GABRG3: variants seen among roughly 807,000 people sequenced by gnomAD.
The protein encoded by GABRG3 is gamma-aminobutyric acid receptor subunit gamma-3.
GABRG3 carries 25 observed loss-of-function variants against 48.8 expected under a neutral mutation model. The observed-to-expected ratio is 0.51, with a 90% CI of 0.37 to 0.72. The LOEUF (loss-of-function observed/expected upper bound fraction) is 0.72, where lower values mean the gene tolerates loss of function less well. Ranked by LOEUF, GABRG3 falls within the 30% of genes least tolerant of loss-of-function variation. GABRG3 has a pLI of 0.00. For missense variants in GABRG3, 394 were observed against 577.9 expected, an observed-to-expected ratio of 0.68 and a Z score of 3.26; for synonymous variants, 227 against 217.6, an observed-to-expected ratio of 1.04 and a Z score of -0.38.
chr15:27,008,463 G>A (rs1895626879), intron 2 of GABRG3, among the ~76,000 whole-genome samples: 1 of 152,146 alleles, frequency 6.6e-6, no homozygotes, highest in African/African-American at 2.4e-5. Context: ...ATATAGATGG[G>A]ATAGGAATCT....
chr15:27,041,923 A>C (rs1022807329), intron 3 of GABRG3, among the ~76,000 whole-genome samples: 2 of 152,180 alleles, frequency 1.3e-5, no homozygotes, highest in Admixed American at 6.5e-5. Context: ...GTGGGGGATG[A>C]GACCTCTGAG....
chr15:27,404,934 G>A (rs1046707731), intron 5 of GABRG3, among the ~76,000 whole-genome samples: 1 of 152,162 alleles, frequency 6.6e-6, no homozygotes, highest in Non-Finnish European at 1.5e-5. Context: ...TCTTACACTG[G>A]TATGTCCTCG....
At chr15:27,460,805 C>T (rs1020633284) in intron 5 of GABRG3, among the ~76,000 whole-genome samples, 4 of 152,180 alleles carry the variant, frequency 2.6e-5, no homozygotes, top group African/African-American at 7.2e-5. Context: ...AGTCAGAGTG[C>T]AGCCCTCAGC....
chr15:27,418,276 A>G (rs959141741), intron 5 of GABRG3, among the ~76,000 whole-genome samples: 4 of 152,212 alleles, frequency 2.6e-5, no homozygotes, highest in African/African-American at 9.6e-5. Flanking sequence ...AGTGAGGGGA[A>G]AATGGGAAGG....
intron 9 of GABRG3, chr15:27,530,521 C>A: frequency 2.3e-6 from 1 of 436,684 alleles, no homozygotes; most frequent in Non-Finnish European, 4.7e-6. Flanking sequence ...ACTATGAAGA[C>A]ATAATAAGAG....
chr15:27,370,272 G>C (rs777978610), intron 5 of GABRG3, among the ~76,000 whole-genome samples: 1 of 152,202 alleles, frequency 6.6e-6, no homozygotes, highest in Non-Finnish European at 1.5e-5. Flanking sequence ...GCATTTAGCA[G>C]AGTAGAAAGG....
At chr15:26,971,935 G>A (rs1894853925) in intron 1 of GABRG3, among the ~76,000 whole-genome samples, 1 of 152,066 alleles carries the variant, frequency 6.6e-6, no homozygotes, top group South Asian at 2.1e-4. Context: ...AGCTGTTTCA[G>A]GGGCTCACAC....
intron 5 of GABRG3, among the ~76,000 whole-genome samples, chr15:27,398,665 C>T (rs528216110): frequency 3.9e-4 from 59 of 150,606 alleles, no homozygotes; most frequent in Non-Finnish European, 6.5e-4. Flanking sequence ...GACAAGCGCG[C>T]GCACACACAC....
chr15:27,000,043 A>T (rs1483044454), intron 2 of GABRG3, among the ~76,000 whole-genome samples: 1 of 151,908 alleles, frequency 6.6e-6, no homozygotes, highest in Non-Finnish European at 1.5e-5. Flanking sequence ...ACAGTTAATG[A>T]CTCTAATTAT....
At chr15:27,497,748 C>T (rs1890522017) in intron 6 of GABRG3, among the ~76,000 whole-genome samples, 7 of 151,988 alleles carry the variant, frequency 4.6e-5, no homozygotes, top group Admixed American at 4.6e-4. Flanking sequence ...CTATGAACAC[C>T]AGGTAATTTA....
rs143717369 is a variant in GABRG3, at chr15:27,179,259, C to A, written c.271-147550C>A. On this transcript the variant is annotated intron_variant, in intron 3 of 9. Coordinates refer to ENST00000615808, the MANE Select transcript of GABRG3 (RefSeq NM_033223.5). This position sits in a 1 kb window ranked among gnomAD's most constrained non-coding sequence, Gnocchi z 4.0. Reference sequence around the variant, plus strand: ...GCCGTGATTTGCCATTTCAAACATGCCCCGCGTGGCAATCCACCTTCCCCT... The same window carrying A: ...GCCGTGATTTGCCATTTCAAACATGACCCGCGTGGCAATCCACCTTCCCCT... Among the ~76,000 whole-genome samples the A allele has an allele frequency of 1.3e-3, 203 of 152,314 alleles. 1 individual carries two copies. The highest frequency in any genetic ancestry group is 2.5e-3 in the Non-Finnish European group (167 of 68,026).
At chr15:27,354,725 G>A (rs1354513717) in intron 5 of GABRG3, among the ~76,000 whole-genome samples, 1 of 152,218 alleles carries the variant, frequency 6.6e-6, no homozygotes, top group Non-Finnish European at 1.5e-5. Flanking sequence ...GTTCTGTTAT[G>A]TGAGTGGATA....
chr15:27,218,180 A>G (rs1889329051), intron 3 of GABRG3, among the ~76,000 whole-genome samples: 2 of 151,152 alleles, frequency 1.3e-5, no homozygotes, highest in African/African-American at 4.9e-5. Flanking sequence ...TGCCTGCCTA[A>G]TTTTTTTTTA....
Position 27,478,980 on chromosome 15 carries a change from C to T in GABRG3, c.575-1670C>T, listed in dbSNP as rs567478027. On this transcript the variant is annotated intron_variant, in intron 5 of 9. Coordinates refer to ENST00000615808, the MANE Select transcript of GABRG3 (RefSeq NM_033223.5). The stretch of plus-strand genomic sequence containing the variant: ...TGACAGAAAATATATAAGTGACTGC[C>T]TAGGACTAGGTGAGATGGGTGGTGG... Among the ~76,000 whole-genome samples, 3 of 152,004 alleles carry T rather than the reference C, an allele frequency of 2.0e-5. No individual in the cohort carries two copies. In the South Asian group the frequency reaches 6.2e-4, roughly 32 times the overall value.
intron 3 of GABRG3, among the ~76,000 whole-genome samples, chr15:27,159,942 A>G (rs895991846): frequency 6.6e-5 from 10 of 152,108 alleles, no homozygotes; most frequent in African/African-American, 1.4e-4. Flanking sequence ...AGCCCTCTCC[A>G]TGGGTTGGAA....
rs76566357 is a variant in GABRG3, at chr15:27,424,390, G to T, written c.575-56260G>T. 3.8e-3 allele frequency among the ~76,000 whole-genome samples: 572 copies of T among 152,182 alleles called. 8 individuals are homozygous for T. Among genetic ancestry groups the T allele is most frequent in the African/African-American group, 0.014 (565 of 41,530 alleles). ...GCAGGTTCAGTGTCTACTGAGGGCT[G>T]CCCTCTCCACTTCTAGATGGTGCCT... On this transcript the variant is annotated intron_variant, in intron 5 of 9. Coordinates refer to ENST00000615808, the MANE Select transcript of GABRG3 (RefSeq NM_033223.5).
chr15:27,112,650 G>C (rs1257414621), intron 3 of GABRG3, among the ~76,000 whole-genome samples: 1 of 152,092 alleles, frequency 6.6e-6, no homozygotes, highest in East Asian at 1.9e-4. Context: ...ATGTTGGCCA[G>C]GCTGGTCTTG....
chr15:27,265,356 A>T (rs1440330707), intron 3 of GABRG3, among the ~76,000 whole-genome samples: 1 of 152,168 alleles, frequency 6.6e-6, no homozygotes, highest in Admixed American at 6.5e-5. Flanking sequence ...TGTTCTAAAT[A>T]CTCTCATAAC....
At chr15:27,228,472 G>A (rs1889694906) in intron 3 of GABRG3, among the ~76,000 whole-genome samples, 1 of 152,282 alleles carries the variant, frequency 6.6e-6, no homozygotes, top group South Asian at 2.1e-4. Context: ...CCGTTGATGG[G>A]CATTTAGGTT....
Sources: gnomAD v4.1 joint callset for allele counts (sites outside exome capture counted in the v4.1 genomes callset) on GRCh38, gnomAD v4.1.1 for gene constraint, Gnocchi (gnomAD v3.1) non-coding constraint, MANE v1.5 for transcripts, NCBI Gene and HGNC (gene_info 2026-07-23, HGNC 2026-07-21) for gene names.